ZWILCH: variants seen among roughly 807,000 people sequenced by gnomAD.
The protein encoded by ZWILCH is protein zwilch homolog.
In ZWILCH, 74 loss-of-function variants were observed where a neutral mutation model predicts 79.9. The observed-to-expected ratio is 0.93, with a 90% CI of 0.77 to 1.12. The LOEUF (loss-of-function observed/expected upper bound fraction) is 1.12. Ranked by LOEUF, ZWILCH falls within the 50% of genes most tolerant of loss-of-function variation. The pLI is 0.00. For missense variants in ZWILCH, 694 were observed against 687.5 expected, an observed-to-expected ratio of 1.01 and a Z score of -0.11; for synonymous variants, 241 against 228.2, an observed-to-expected ratio of 1.06 and a Z score of -0.51.
At chr15:66,506,444 G>A (rs370697767) in intron 1 of ZWILCH, among the ~76,000 whole-genome samples, 7 of 152,234 alleles carry the variant, frequency 4.6e-5, no homozygotes, top group Admixed American at 2.0e-4. Flanking sequence ...CGAGGCGGGC[G>A]GATCACTTGA....
At chr15:66,524,378 A>G (rs1014439131) in intron 8 of ZWILCH, 1 of 152,090 alleles carries the variant, frequency 6.6e-6, no homozygotes, top group African/African-American at 2.4e-5. Flanking sequence ...TCATGTGCTT[A>G]TTGGCTCCTG....
intron 7 of ZWILCH, among the ~76,000 whole-genome samples, chr15:66,522,557 C>G (rs914836037): frequency 2.0e-5 from 3 of 151,906 alleles, no homozygotes; most frequent in African/African-American, 7.2e-5. Context: ...CCAGGCTGGT[C>G]TCGAAATCCC....
intron 6 of ZWILCH, 83 bp downstream of exon 6, chr15:66,520,743 CTAAGA>C: frequency 1.2e-6 from 1 of 850,054 alleles, no homozygotes; most frequent in South Asian, 1.7e-5. Context: ...TTTTTCACTC[CTAAGA>C]TGACTAGATA....
At chr15:66,541,916 T>A (rs774657806) in intron 17 of ZWILCH, among the ~76,000 whole-genome samples, 2 of 152,176 alleles carry the variant, frequency 1.3e-5, no homozygotes, top group Non-Finnish European at 2.9e-5. Context: ...GCTCCTGCCC[T>A]CCCAAGTATA....
chr15:66,518,574 A>C (rs750963609), intron 4 of ZWILCH, among the ~76,000 whole-genome samples: 3 of 152,198 alleles, frequency 2.0e-5, no homozygotes, highest in Non-Finnish European at 4.4e-5. Flanking sequence ...ACACTTTGGA[A>C]GGCTAAGGCA....
At chr15:66,512,143 G>A (rs1894089935) in intron 2 of ZWILCH, among the ~76,000 whole-genome samples, 1 of 152,084 alleles carries the variant, frequency 6.6e-6, no homozygotes, top group South Asian at 2.1e-4. Context: ...AAGAGCTGTG[G>A]TACTAGACTG....
intron 14 of ZWILCH, among the ~76,000 whole-genome samples, chr15:66,534,128 A>T (rs1894938822): frequency 6.6e-6 from 1 of 152,150 alleles, no homozygotes; most frequent in Non-Finnish European, 1.5e-5. Context: ...TTCAAAAAAA[A>T]GGGATGATTA....
At chr15:66,526,173 T>C (rs1224158893) in intron 8 of ZWILCH, among the ~76,000 whole-genome samples, 1 of 152,186 alleles carries the variant, frequency 6.6e-6, no homozygotes, top group African/African-American at 2.4e-5. Flanking sequence ...ATACTTCTGA[T>C]AGAGAAATTC....
chr15:66,521,240 G>A lies in ZWILCH; in HGVS notation c.747+35G>A, dbSNP rs766041715. The stretch of plus-strand genomic sequence containing the variant: ...GGCCCTATTTCCTTTTCGGGTTCAT[G>A]AGACTCCTAAATGTTGGCTTACTTG... On this transcript the variant is annotated intron_variant, in intron 7 of 18. Coordinates refer to ENST00000307897, the MANE Select transcript of ZWILCH (RefSeq NM_017975.5). 3 of 1,600,392 alleles carry A rather than the reference G, an allele frequency of 1.9e-6. No homozygotes were observed. In the South Asian group the frequency reaches 3.3e-5, roughly 18 times the overall value.
At position 66,548,357 on chromosome 15, in the gene ZWILCH, C is replaced by G; in HGVS notation, c.*33C>G. The G allele has an allele frequency of 4.3e-6, 2 of 467,910 alleles. No homozygotes were observed. Among genetic ancestry groups the G allele is most frequent in the Non-Finnish European group, 7.6e-6 (2 of 263,332 alleles). 29.0% of individuals were successfully genotyped at this position (467,910 alleles called of 1,614,324 possible). A position where few individuals can be genotyped will look rare whatever the true frequency, so the allele number is the denominator to read the frequency against. On this transcript the variant is annotated 3_prime_UTR_variant, in exon 19 of 19. Transcript: ENST00000307897. ...TCTAATTCTTAAATCCCAGCACAAG[C>G]CAAAAAGAGAAAGAGAAAAAAAGGT...
chr15:66,539,979 C>G (rs1229126526), intron 16 of ZWILCH, 119 bp from the exon 17 acceptor site: 15 of 584,224 alleles, frequency 2.6e-5, no homozygotes, highest in Non-Finnish European at 4.5e-5. Context: ...AATTGTGACC[C>G]GTTTACCTCT....
At chr15:66,511,455 T>C (rs1175971582) in intron 2 of ZWILCH, among the ~76,000 whole-genome samples, 1 of 146,034 alleles carries the variant, frequency 6.8e-6, no homozygotes, top group Non-Finnish European at 1.5e-5. Context: ...ATTGTGCCAC[T>C]GCACTCCAGT....
chr15:66,529,547 C>CTA lies in ZWILCH; in HGVS notation c.1130_1131dup (p.Gln378TyrfsTer18). 6.2e-7 allele frequency: 1 copy of CTA among 1,613,886 alleles called. No homozygotes were observed. Among genetic ancestry groups the CTA allele is most frequent in the South Asian group, 1.1e-5 (1 of 91,072 alleles). On this transcript the variant is annotated frameshift_variant, in exon 12 of 19. Coordinates refer to ENST00000307897, the MANE Select transcript of ZWILCH (RefSeq NM_017975.5). LOFTEE classifies it high-confidence loss of function. ...GTGTTTCACATTGATCATCCAGAGT[C>CTA]TACAACGTGGTGATATACAGCCATG...
intron 3 of ZWILCH, chr15:66,514,618 C>A (rs1894189419): frequency 6.5e-6 from 1 of 152,908 alleles, no homozygotes; most frequent in South Asian, 2.0e-4. Context: ...TGACTTACTT[C>A]TTTTGTTGTT....
At position 66,549,160 on chromosome 15, in the gene ZWILCH, T is replaced by C. The variant is rs1053708165; in HGVS notation, c.*836T>C. ...AGGTAATACCCACTTTTATCTTGTGTGCTGGGTACTCTGGTTACTGAGATA... is the reference window on the plus strand; with the variant it reads ...AGGTAATACCCACTTTTATCTTGTGCGCTGGGTACTCTGGTTACTGAGATA... On this transcript the variant is annotated 3_prime_UTR_variant, in exon 19 of 19. Coordinates refer to ENST00000307897, the MANE Select transcript of ZWILCH (RefSeq NM_017975.5). 7.2e-5 allele frequency: 11 copies of C among 152,320 alleles called. No homozygotes were observed. The highest frequency in any genetic ancestry group is 2.4e-4 in the African/African-American group (10 of 41,454). 9.4% of individuals were successfully genotyped at this position (152,320 alleles called of 1,614,324 possible). A position where few individuals can be genotyped will look rare whatever the true frequency, so the allele number is the denominator to read the frequency against.
chr15:66,528,911 G>T lies in ZWILCH; in HGVS notation c.1029G>T (p.Arg343=), dbSNP rs1423320668. 1 of 1,614,100 alleles carries T rather than the reference G, an allele frequency of 6.2e-7. No individual in the cohort carries two copies. Among genetic ancestry groups the T allele is most frequent in the East Asian group, 2.2e-5 (1 of 44,878 alleles). Residue 343 remains arginine (R), a synonymous_variant, in exon 11 of 19, where the codon CGG becomes CGT. Coordinates refer to ENST00000307897, the MANE Select transcript of ZWILCH (RefSeq NM_017975.5). ...CCGTCAAGCGTCTTTTCAAAGTTCG[G>T]AGTGATCTTGATTTTGCTGAGCAAC... ...DRSVKRLFKV[R]SDLDFAEQLW...
intron 16 of ZWILCH, among the ~76,000 whole-genome samples, chr15:66,539,220 C>T (rs975349716): frequency 5.3e-5 from 8 of 151,806 alleles, no homozygotes; most frequent in African/African-American, 1.2e-4. Flanking sequence ...CTGGGCAACA[C>T]GGTGAAACCC....
chr15:66,550,080 A>G lies in ZWILCH; in HGVS notation c.*1756A>G, dbSNP rs1895541144. Reference sequence around the variant, plus strand: ...TGATTGTTGATAGAGCAAGTTTCCAAAGCTTTGAGGTACCAACTTTCCACC... The same window carrying G: ...TGATTGTTGATAGAGCAAGTTTCCAGAGCTTTGAGGTACCAACTTTCCACC... On this transcript the variant is annotated 3_prime_UTR_variant, in exon 19 of 19. Coordinates refer to ENST00000307897, the MANE Select transcript of ZWILCH (RefSeq NM_017975.5). 1 of 1,605,804 alleles carries G rather than the reference A, an allele frequency of 6.2e-7. No homozygotes were observed. Among genetic ancestry groups the G allele is most frequent in the South Asian group, 1.1e-5 (1 of 89,128 alleles).
intron 17 of ZWILCH, among the ~76,000 whole-genome samples, chr15:66,544,204 C>G (rs1895281237): frequency 2.0e-5 from 3 of 151,438 alleles, no homozygotes; most frequent in Non-Finnish European, 2.9e-5. Flanking sequence ...TTTCAGTGAG[C>G]CGATATCACG....
Sources: allele counts gnomAD v4.1 joint callset (sites outside exome capture counted in the v4.1 genomes callset), GRCh38; gene constraint gnomAD v4.1.1; transcripts MANE v1.5; gene names NCBI Gene and HGNC (gene_info 2026-07-23, HGNC 2026-07-21).